PCNX2: variants seen among roughly 807,000 people sequenced by gnomAD.
PCNX2 encodes pecanex 2.
Under a neutral mutation model 223.8 loss-of-function variants are expected in PCNX2, and 168 were observed. That is an observed-to-expected ratio of 0.75 (90% CI 0.66 to 0.85). The LOEUF (loss-of-function observed/expected upper bound fraction) is 0.85, where lower values mean the gene tolerates loss of function less well. Ranked by LOEUF, PCNX2 falls within the 40% of genes least tolerant of loss-of-function variation. The pLI is 0.00. For synonymous variants in PCNX2, 1,006 were observed against 1,052.6 expected (o/e 0.96, Z 0.86); for missense variants, 2,507 against 2,675.5 (o/e 0.94, Z 1.39).
intron 25 of PCNX2, among the ~76,000 whole-genome samples, chr1:233,052,875 G>A (rs926873822): frequency 4.0e-5 from 6 of 151,766 alleles, no homozygotes; most frequent in African/African-American, 7.3e-5. Flanking sequence ...GCAGACACTC[G>A]ATCTAGAAAC....
At chr1:233,177,748 T>C (rs1679561850) in intron 17 of PCNX2, 54 bp downstream of exon 17, 4 of 1,464,608 alleles carry the variant, frequency 2.7e-6, no homozygotes, top group Non-Finnish European at 2.9e-6. Flanking sequence ...GAGCCTGATC[T>C]CTGCTGAAAG....
chr1:233,018,801 G>A, intron 26 of PCNX2: 5 of 985,460 alleles, frequency 5.1e-6, no homozygotes, highest in Non-Finnish European at 6.0e-6. Flanking sequence ...GGCTCACAGT[G>A]TTTGATGCAA....
At chr1:233,215,584 G>A (rs138607867) in intron 12 of PCNX2, among the ~76,000 whole-genome samples, 6 of 152,278 alleles carry the variant, frequency 3.9e-5, no homozygotes, top group African/African-American at 7.2e-5. Flanking sequence ...CCTTTACTGG[G>A]ATGTCCTGCA....
At chr1:233,164,636 GAAAATA>G (rs1257911248) in intron 17 of PCNX2, among the ~76,000 whole-genome samples, 2 of 24,848 alleles carry the variant, frequency 8.0e-5, no homozygotes, top group Non-Finnish European at 2.2e-4. Context: ...ATCATATATA[GAAAATA>G]TATAGAAAAT....
intron 28 of PCNX2, among the ~76,000 whole-genome samples, chr1:233,006,461 C>A (rs566491569): frequency 1.3e-5 from 2 of 152,226 alleles, no homozygotes; most frequent in East Asian, 1.9e-4. Context: ...GCCATTTCCA[C>A]GATGCCCAGG....
chr1:233,322,635 A>G, the PCNX2 span, among the ~76,000 whole-genome samples: 1 of 152,176 alleles, frequency 6.6e-6, no homozygotes, highest in Non-Finnish European at 1.5e-5. Context: ...AAGATTCTGC[A>G]GACTGGATTC....
rs1572156217 is a variant in PCNX2, at chr1:233,253,397, T to G, written c.1835-609A>C. On this transcript the variant is annotated intron_variant, in intron 5 of 33. Transcript: ENST00000258229. This position sits in a 1 kb window ranked among gnomAD's most constrained non-coding sequence, Gnocchi z 4.2. ...CAAGGCTGGAGGCTGGAGGCTGGAG[T>G]GCAATGGTGGAGTCATAGCACGCTG... is the stretch of plus-strand genomic sequence containing the variant. Among the ~76,000 whole-genome samples the G allele has an allele frequency of 6.6e-6, 1 of 152,064 alleles. No homozygotes were observed. The highest frequency in any genetic ancestry group is 1.5e-5 in the Non-Finnish European group (1 of 68,016).
At chr1:233,232,437 G>A (rs760579137) in intron 9 of PCNX2, among the ~76,000 whole-genome samples, 1 of 152,078 alleles carries the variant, frequency 6.6e-6, no homozygotes, top group Admixed American at 6.6e-5. Flanking sequence ...TTCAACTTAC[G>A]ATATTTTCAA....
At chr1:233,317,379 A>G in the PCNX2 span, among the ~76,000 whole-genome samples, 5 of 152,124 alleles carry the variant, frequency 3.3e-5, no homozygotes, top group East Asian at 1.9e-4. Context: ...GTGCCACTGC[A>G]CTCCAGCCTG....
chr1:233,056,537 C>A (rs562403517), intron 24 of PCNX2, among the ~76,000 whole-genome samples: 1 of 152,098 alleles, frequency 6.6e-6, no homozygotes, highest in Non-Finnish European at 1.5e-5. Context: ...ACATAAAGTT[C>A]AACAAAAAAT....
rs1308336869 is a variant in PCNX2 at position 233,295,035 on chromosome 1, G to A, written c.153+291C>T. On this transcript the variant is annotated intron_variant, in intron 1 of 33. Coordinates refer to ENST00000258229, the MANE Select transcript of PCNX2 (RefSeq NM_014801.4). The surrounding 1 kb of genome is among the most constrained non-coding windows in gnomAD (Gnocchi z 4.1). ...CTAGAGTTACCCACCTACAAAACAG[G>A]CTGCACGCTCCCTGCCACAAGCAGA... 6.6e-6 allele frequency among the ~76,000 whole-genome samples: 1 copy of A among 151,904 alleles called. No individual in the cohort carries two copies. Among genetic ancestry groups the A allele is most frequent in the African/African-American group, 2.4e-5 (1 of 41,340 alleles).
In PCNX2 at chr1:233,126,810, A is replaced by G. The variant is rs1558257777; in HGVS notation, c.3837+8203T>C. ...TCCACAATCTAATACATCAAAGCTA[A>G]CATCCTTTTCCCAAAAACGTCTTTC... On this transcript the variant is annotated intron_variant, in intron 21 of 33. Coordinates refer to ENST00000258229, the MANE Select transcript of PCNX2 (RefSeq NM_014801.4). This position sits in a 1 kb window ranked among gnomAD's most constrained non-coding sequence, Gnocchi z 4.8. Among the ~76,000 whole-genome samples the G allele has an allele frequency of 1.3e-5, 2 of 152,194 alleles. No individual in the cohort carries two copies. The highest frequency in any genetic ancestry group is 2.1e-4 in the South Asian group (1 of 4,826).
chr1:233,185,413 C>T (rs1680040481), intron 15 of PCNX2, among the ~76,000 whole-genome samples: 2 of 152,174 alleles, frequency 1.3e-5, no homozygotes, highest in East Asian at 1.9e-4. Flanking sequence ...TACCCCACCA[C>T]CTTAAACGTG....
At chr1:233,135,485 C>T (rs1676751745) in intron 20 of PCNX2, among the ~76,000 whole-genome samples, 1 of 152,194 alleles carries the variant, frequency 6.6e-6, no homozygotes, top group African/African-American at 2.4e-5. Context: ...CTTTCCATCA[C>T]ATGCTTTTCA....
Position 233,208,545 on chromosome 1 carries a change from G to C in PCNX2, c.2836C>G (p.Leu946Val), listed in dbSNP as rs1371810821. The C allele has an allele frequency of 6.2e-7, 1 of 1,613,636 alleles. No individual in the cohort carries two copies. The highest frequency in any genetic ancestry group is 1.1e-5 in the South Asian group (1 of 91,056). Residue 946 changes from leucine (L) to valine (V), a missense_variant, in exon 13 of 34, where the codon CTA (leucine) becomes GTA (valine). This residue lies in a region of PCNX2 where 104 missense variants were observed against 144.4 expected (regional missense o/e 0.72). Coordinates refer to ENST00000258229, the MANE Select transcript of PCNX2 (RefSeq NM_014801.4). ...ATTAAGTAGTCCCTAGCTGATTGTAGAAACACTGGAGAGAAGAGCTTCAGG... is the reference window on the plus strand; with the variant it reads ...ATTAAGTAGTCCCTAGCTGATTGTACAAACACTGGAGAGAAGAGCTTCAGG... ...YGLKLFSPVFLQSARDYLIVF... is the reference protein window; with the variant it reads ...YGLKLFSPVFVQSARDYLIVF...
At chr1:233,064,347 C>G (rs1672513308) in intron 23 of PCNX2, among the ~76,000 whole-genome samples, 1 of 152,176 alleles carries the variant, frequency 6.6e-6, no homozygotes, top group Admixed American at 6.5e-5. Flanking sequence ...GAACTCCAAG[C>G]CCGCATGTGA....
chr1:233,013,582 C>T (rs746763341), intron 28 of PCNX2, among the ~76,000 whole-genome samples: 3 of 152,150 alleles, frequency 2.0e-5, no homozygotes, highest in South Asian at 2.1e-4. Context: ...TCCCACCTAA[C>T]GTCACAAAAC....
At chr1:233,033,894 C>T (rs545969670) in intron 25 of PCNX2, among the ~76,000 whole-genome samples, 2 of 152,184 alleles carry the variant, frequency 1.3e-5, no homozygotes, top group South Asian at 4.1e-4. Context: ...TGTATTGAAA[C>T]CCTATCCTCC....
Position 232,984,339 on chromosome 1 carries a change from T to TGTC in PCNX2, c.6376_6378dup (p.Asp2126dup). 6.2e-7 allele frequency: 1 copy of TGTC among 1,611,840 alleles called. No individual in the cohort carries two copies. The highest frequency in any genetic ancestry group is 8.5e-7 in the Non-Finnish European group (1 of 1,179,140). On this transcript the variant is annotated inframe_insertion, in exon 34 of 34. Transcript: ENST00000258229. ...TCTGACACACTTTGCTGCGAGGCCGTGTCGTCCAGGCCCATGTCCTCCTGG... is the reference window on the plus strand; with the variant it reads ...TCTGACACACTTTGCTGCGAGGCCGTGTCGTCGTCCAGGCCCATGTCCTCCTGG...
Sources: gnomAD v4.1 joint callset for allele counts (sites outside exome capture counted in the v4.1 genomes callset) on GRCh38, gnomAD v4.1.1 for gene constraint, gnomAD v4.1.1 regional missense constraint, Gnocchi (gnomAD v3.1) non-coding constraint, MANE v1.5 for transcripts, NCBI Gene and HGNC (gene_info 2026-07-23, HGNC 2026-07-21) for gene names.